The following CHD7 variants were observed in gnomAD, a reference collection of about 807,000 sequenced individuals.
The protein encoded by CHD7 is ATP-dependent chromatin remodeler CHD7.
In CHD7, 24 loss-of-function variants were observed where a neutral mutation model predicts 307.3. That is an observed-to-expected ratio of 0.08 (90% CI 0.06 to 0.11). The LOEUF (loss-of-function observed/expected upper bound fraction) is 0.11. CHD7 is among the 10% of genes least tolerant of loss of function. The pLI is 1.00. For missense variants in CHD7, 3,106 were observed against 3,727.1 expected (o/e 0.83, Z 4.34); for synonymous variants, 1,363 against 1,349.9 (o/e 1.01, Z -0.21).
At chr8:60,760,737 GA>G (rs1185373207) in intron 2 of CHD7, among the ~76,000 whole-genome samples, 1 of 150,556 alleles carries the variant, frequency 6.6e-6, no homozygotes, top group Non-Finnish European at 1.5e-5. Context: ...AAAAACACAT[GA>G]AAAAATGCTC....
intron 4 of CHD7, among the ~76,000 whole-genome samples, chr8:60,796,558 T>A (rs886577344): frequency 6.6e-6 from 1 of 152,118 alleles, no homozygotes; most frequent in Non-Finnish European, 1.5e-5. Flanking sequence ...ATTGTTTTTT[T>A]AAAAGTCTGT....
In CHD7 at chr8:60,862,191, T is replaced by G. The variant is rs770131922; in HGVS notation, c.7831-5T>G. ...ATTTTACTAAATATGTTTTTTCTTTTGCAGAAGAATGCAGATGTGCTGTTT... is the reference window on the plus strand; with the variant it reads ...ATTTTACTAAATATGTTTTTTCTTTGGCAGAAGAATGCAGATGTGCTGTTT... On this transcript the variant is annotated splice_region_variant and splice_polypyrimidine_tract_variant and intron_variant, in intron 35 of 37. Transcript: ENST00000423902. 2.5e-6 allele frequency: 4 copies of G among 1,603,840 alleles called. No homozygotes were observed. Among genetic ancestry groups the G allele is most frequent in the South Asian group, 1.1e-5 (1 of 88,908 alleles).
At chr8:60,691,458 C>T (rs997757589) in intron 1 of CHD7, among the ~76,000 whole-genome samples, 5 of 152,260 alleles carry the variant, frequency 3.3e-5, no homozygotes, top group African/African-American at 9.6e-5. Flanking sequence ...ATCTTTTACT[C>T]TCCTGATACA....
intron 1 of CHD7, among the ~76,000 whole-genome samples, chr8:60,733,740 C>T (rs1470623297): frequency 1.3e-5 from 2 of 151,796 alleles, no homozygotes; most frequent in East Asian, 1.9e-4. Flanking sequence ...TGAAAGGAAA[C>T]GTTAGCCTCA....
In CHD7 at chr8:60,830,375, G is replaced by A; in HGVS notation, c.3576G>A (p.Glu1192=). 4 of 1,613,914 alleles carry A rather than the reference G, an allele frequency of 2.5e-6. No individual in the cohort carries two copies. In the African/African-American group the frequency reaches 4.0e-5, roughly 16 times the overall value. The change falls in exon 15 of 38, where the codon GAG becomes GAA. Residue 1192 remains glutamate (E), a synonymous_variant. Coordinates refer to ENST00000423902, the MANE Select transcript of CHD7 (RefSeq NM_017780.4). ...LKPMMLRRLK[E]DVEKNLAPKE... ...CAATGATGTTGAGACGTCTCAAAGA[G>A]GATGTAGAAAAGAACTTGGCCCCCA...
chr8:60,746,793 A>C (rs980559144), intron 2 of CHD7, among the ~76,000 whole-genome samples: 1 of 152,262 alleles, frequency 6.6e-6, no homozygotes, highest in Non-Finnish European at 1.5e-5. Flanking sequence ...ATCAGATCAC[A>C]ATGTGAAAAA....
intron 1 of CHD7, among the ~76,000 whole-genome samples, chr8:60,702,222 A>G (rs111528370): frequency 3.3e-5 from 5 of 152,326 alleles, no homozygotes; most frequent in African/African-American, 1.2e-4. Context: ...CCCCTAGCGC[A>G]GTGCTCTTTC....
chr8:60,697,735 G>A (rs893549741), intron 1 of CHD7, among the ~76,000 whole-genome samples: 1 of 152,128 alleles, frequency 6.6e-6, no homozygotes, highest in Non-Finnish European at 1.5e-5. Context: ...TTGGTGTATG[G>A]AACAAAAAGG....
intron 2 of CHD7, among the ~76,000 whole-genome samples, chr8:60,756,918 A>G (rs952442833): frequency 1.2e-4 from 19 of 152,226 alleles, no homozygotes; most frequent in African/African-American, 4.3e-4. Context: ...TTTATGTTAC[A>G]TGAATCTCAA....
At chr8:60,753,749 A>G (rs527530846) in intron 2 of CHD7, among the ~76,000 whole-genome samples, 1 of 151,550 alleles carries the variant, frequency 6.6e-6, no homozygotes, top group East Asian at 2.0e-4. Flanking sequence ...CTCATCCTCC[A>G]GAGTACCTGG....
chr8:60,691,960 C>T (rs184333836), intron 1 of CHD7, among the ~76,000 whole-genome samples: 10 of 152,166 alleles, frequency 6.6e-5, no homozygotes, highest in African/African-American at 1.7e-4. Context: ...CAACTCCACA[C>T]GAGATTTATT....
chr8:60,727,182 A>C (rs970393792), intron 1 of CHD7, among the ~76,000 whole-genome samples: 3 of 152,104 alleles, frequency 2.0e-5, no homozygotes, highest in Non-Finnish European at 4.4e-5. Flanking sequence ...GCTGTGGTGC[A>C]GTGGTATGAT....
At chr8:60,702,272 T>C (rs796854086) in intron 1 of CHD7, among the ~76,000 whole-genome samples, 1 of 152,232 alleles carries the variant, frequency 6.6e-6, no homozygotes, top group Admixed American at 6.5e-5. Flanking sequence ...CTTTTTCTTC[T>C]ACTTTAATAC....
intron 1 of CHD7, among the ~76,000 whole-genome samples, chr8:60,710,520 C>CA (rs1203111349): frequency 6.6e-6 from 1 of 152,200 alleles, no homozygotes; most frequent in Non-Finnish European, 1.5e-5. Context: ...TTCAAAAACT[C>CA]AGTGTCTTTT....
chr8:60,758,121 T>C (rs570427445), intron 2 of CHD7, among the ~76,000 whole-genome samples: 3 of 152,314 alleles, frequency 2.0e-5, no homozygotes, highest in Admixed American at 6.5e-5. Context: ...CATTGAATTA[T>C]GCCAATCTTC....
At chr8:60,832,629 G>C (rs1374311941) in intron 15 of CHD7, among the ~76,000 whole-genome samples, 2 of 152,160 alleles carry the variant, frequency 1.3e-5, no homozygotes, top group Non-Finnish European at 2.9e-5. Flanking sequence ...GATACAAAAG[G>C]GTTTGAATGC....
At chr8:60,757,903 C>A (rs1180577977) in intron 2 of CHD7, among the ~76,000 whole-genome samples, 1 of 152,126 alleles carries the variant, frequency 6.6e-6, no homozygotes, top group Non-Finnish European at 1.5e-5. Flanking sequence ...CAGGTAACTG[C>A]TTGTCTGTTT....
intron 6 of CHD7, among the ~76,000 whole-genome samples, chr8:60,806,555 TAGA>T (rs1812544862): frequency 1.3e-5 from 2 of 152,206 alleles, no homozygotes; most frequent in Admixed American, 6.5e-5. Flanking sequence ...GTTTATGACA[TAGA>T]AGGTGTTCTG....
chr8:60,856,000 A>G lies in CHD7; in HGVS notation c.6962A>G (p.Asp2321Gly), dbSNP rs1427557686. ...GATAGAGTAATGATAAACCGCTTAG[A>G]CAACATCTGTGAAGCAGTGTTGAAA... ...PKDRVMINRLDNICEAVLKGK... is the reference protein window; with the variant it reads ...PKDRVMINRLGNICEAVLKGK... Residue 2321 changes from aspartate to glycine, a missense_variant, in exon 33 of 38, where the codon GAC (aspartate) becomes GGC (glycine). Asp to Gly is a moderately conservative substitution (Grantham distance 94). Around this residue, in one of 10 missense-constraint regions of CHD7, gnomAD observed 1,030 missense variants for 1,165.4 expected, o/e 0.88. Transcript: ENST00000423902. 6.2e-7 allele frequency: 1 copy of G among 1,609,774 alleles called. No homozygotes were observed. The highest frequency in any genetic ancestry group is 8.5e-7 in the Non-Finnish European group (1 of 1,177,778).
Sources: gnomAD v4.1 joint callset for allele counts (sites outside exome capture counted in the v4.1 genomes callset) on GRCh38, gnomAD v4.1.1 for gene constraint, gnomAD v4.1.1 regional missense constraint, MANE v1.5 for transcripts, NCBI Gene and HGNC (gene_info 2026-07-23, HGNC 2026-07-21) for gene names.